Variants in PACS1 observed in about 807,000 individuals in gnomAD.
PACS1 encodes phosphofurin acidic cluster sorting protein 1.
PACS1 carries 24 observed loss-of-function variants against 115.0 expected under a neutral mutation model. The ratio of observed to expected loss-of-function variants is 0.21; its 90% CI spans 0.15 to 0.29. The LOEUF is 0.29. Among genes scored for constraint, PACS1 ranks in the 10% least tolerant of loss-of-function variants. The pLI is 1.00. For synonymous variants in PACS1, 453 were observed against 504.5 expected, an observed-to-expected ratio of 0.90 and a Z score of 1.37; for missense variants, 838 against 1,251.2, an observed-to-expected ratio of 0.67 and a Z score of 4.98.
chr11:66,232,228 C>A lies in PACS1; in HGVS notation c.1683C>A (p.Ala561=). 1.2e-6 allele frequency: 2 copies of A among 1,613,692 alleles called. No individual in the cohort carries two copies. The highest frequency in any genetic ancestry group is 1.7e-6 in the Non-Finnish European group (2 of 1,179,580). ...QLNQILVSDA[A]LPENVILVNT... is the part of the protein sequence containing the mutation. ...ATCAGATCCTGGTGTCAGATGCAGC[C>A]CTCCCAGAAAATGTCATTCTGGTGA... Residue 561 remains alanine, a synonymous_variant, in exon 14 of 24, where the codon GCC becomes GCA. Coordinates refer to ENST00000320580, the MANE Select transcript of PACS1 (RefSeq NM_018026.4).
At chr11:66,177,254 C>G (rs1476050132) in intron 1 of PACS1, among the ~76,000 whole-genome samples, 1 of 152,106 alleles carries the variant, frequency 6.6e-6, no homozygotes, top group Non-Finnish European at 1.5e-5. Context: ...CCTCCTCTCC[C>G]CAAATTGAAA....
chr11:66,076,256 C>G (rs1252266744), intron 1 of PACS1, among the ~76,000 whole-genome samples: 1 of 152,228 alleles, frequency 6.6e-6, no homozygotes, highest in Non-Finnish European at 1.5e-5. Context: ...TGATTTCTTT[C>G]TAAACTAGTT....
intron 19 of PACS1, among the ~76,000 whole-genome samples, chr11:66,237,783 C>T (rs965137525): frequency 2.0e-5 from 3 of 152,118 alleles, no homozygotes; most frequent in Non-Finnish European, 2.9e-5. Context: ...AAATGCCAGG[C>T]AAACAAGGAG....
At chr11:66,238,675 A>G in intron 19 of PACS1, 129 bp from the exon 20 acceptor site, 1 of 903,326 alleles carries the variant, frequency 1.1e-6, no homozygotes. Flanking sequence ...CCAGATTTGC[A>G]AAGATTTTAA....
chr11:66,156,204 TTATA>T (rs61270162), intron 1 of PACS1, among the ~76,000 whole-genome samples: 901 of 84,762 alleles, frequency 0.011, 10 homozygotes, highest in Non-Finnish European at 0.015. Context: ...ATTTTTTAAA[TTATA>T]TATATATATA....
chr11:66,132,098 T>C (rs962688094), intron 1 of PACS1, among the ~76,000 whole-genome samples: 3 of 152,128 alleles, frequency 2.0e-5, no homozygotes, highest in Non-Finnish European at 4.4e-5. Flanking sequence ...CACTCAAATC[T>C]CATCTTGAAT....
At chr11:66,153,524 G>A (rs1208897991) in intron 1 of PACS1, among the ~76,000 whole-genome samples, 1 of 152,128 alleles carries the variant, frequency 6.6e-6, no homozygotes. Context: ...GCTCACGCCT[G>A]TAATCCCAGC....
intron 1 of PACS1, among the ~76,000 whole-genome samples, chr11:66,104,376 A>G (rs1220608327): frequency 6.6e-6 from 1 of 152,142 alleles, no homozygotes; most frequent in East Asian, 1.9e-4. Flanking sequence ...TTTGAACCCT[A>G]TAGAACAGGG....
At chr11:66,144,906 A>T (rs1159591489) in intron 1 of PACS1, among the ~76,000 whole-genome samples, 4 of 152,212 alleles carry the variant, frequency 2.6e-5, no homozygotes, top group Non-Finnish European at 5.9e-5. Flanking sequence ...AAGTGCTGGG[A>T]TCACAGATGT....
intron 2 of PACS1, among the ~76,000 whole-genome samples, chr11:66,204,855 T>C (rs905388492): frequency 1.3e-5 from 2 of 152,104 alleles, no homozygotes; most frequent in African/African-American, 4.8e-5. Flanking sequence ...TAAGACCTGG[T>C]ATTTGGCCAA....
intron 1 of PACS1, among the ~76,000 whole-genome samples, chr11:66,150,368 T>G (rs1859208343): frequency 6.6e-6 from 1 of 152,248 alleles, no homozygotes; most frequent in Non-Finnish European, 1.5e-5. Context: ...GACTGGGTTT[T>G]GCTGACTTCT....
intron 1 of PACS1, among the ~76,000 whole-genome samples, chr11:66,117,087 A>G (rs1430650311): frequency 2.6e-5 from 4 of 151,972 alleles, no homozygotes; most frequent in Non-Finnish European, 5.9e-5. Flanking sequence ...TTTAAAAACG[A>G]TGTGTATTAT....
chr11:66,235,194 A>C lies in PACS1; in HGVS notation c.2105-107A>C, dbSNP rs568257030. 3 of 756,966 alleles carry C rather than the reference A, an allele frequency of 4.0e-6. No individual in the cohort carries two copies. Among genetic ancestry groups the C allele is most frequent in the South Asian group, 1.6e-5 (1 of 61,298 alleles). The allele number at this position is 756,966 out of a possible 1,614,324, so 46.9% of individuals were successfully genotyped here. ...ACCGTAGAGCCCCATCCTTCACTCAACTCCTAGAGTCTGACGGGTCTCAGG... is the reference window on the plus strand; with the variant it reads ...ACCGTAGAGCCCCATCCTTCACTCACCTCCTAGAGTCTGACGGGTCTCAGG... On this transcript the variant is annotated intron_variant, in intron 17 of 23. Transcript: ENST00000320580. This position sits in a 1 kb window ranked among gnomAD's most constrained non-coding sequence, Gnocchi z 5.6.
intron 1 of PACS1, among the ~76,000 whole-genome samples, chr11:66,136,276 C>T (rs2134585754): frequency 6.6e-6 from 1 of 150,638 alleles, no homozygotes; most frequent in Admixed American, 6.6e-5. Flanking sequence ...CACACACACA[C>T]ACACACACAC....
At chr11:66,207,443 G>C (rs1225733910) in intron 2 of PACS1, among the ~76,000 whole-genome samples, 1 of 152,224 alleles carries the variant, frequency 6.6e-6, no homozygotes, top group Non-Finnish European at 1.5e-5. Flanking sequence ...CTCCAGCCTA[G>C]TCGACAGAGC....
At chr11:66,225,878 G>A (rs935684612) in intron 10 of PACS1, among the ~76,000 whole-genome samples, 38 of 152,166 alleles carry the variant, frequency 2.5e-4, no homozygotes, top group African/African-American at 8.9e-4. Context: ...TTCTATTAAT[G>A]TTGGCCGAGG....
chr11:66,085,213 T>C (rs545583812), intron 1 of PACS1, among the ~76,000 whole-genome samples: 1 of 152,350 alleles, frequency 6.6e-6, no homozygotes, highest in East Asian at 1.9e-4. Context: ...TTTTTCTTTT[T>C]TGAAAGACTG....
At chr11:66,184,670 TACTC>T (rs1462096581) in intron 1 of PACS1, among the ~76,000 whole-genome samples, 1 of 152,248 alleles carries the variant, frequency 6.6e-6, no homozygotes. Context: ...TTAGCCCAGT[TACTC>T]AGTGATCTCC....
In PACS1 at chr11:66,070,868, C is replaced by A. The variant is rs902973737; in HGVS notation, c.356+26C>A. On this transcript the variant is annotated intron_variant, in intron 1 of 23. Transcript: ENST00000320580. This position sits in a 1 kb window ranked among gnomAD's most constrained non-coding sequence, Gnocchi z 5.9. ...GTGAGCGCGGGAGGGTGCGGCGGGG[C>A]GCCGGGGGAGCGGGGTGGCCGCCGG... is the stretch of plus-strand genomic sequence containing the variant. The A allele has an allele frequency of 7.0e-7, 1 of 1,425,548 alleles. No homozygotes were observed. The highest frequency in any genetic ancestry group is 3.1e-5 in the Admixed American group (1 of 31,976). The allele number at this position is 1,425,548 out of a possible 1,614,324, so 88.3% of individuals were successfully genotyped here.
Sources: allele counts gnomAD v4.1 joint callset (sites outside exome capture counted in the v4.1 genomes callset), GRCh38; gene constraint gnomAD v4.1.1; non-coding constraint Gnocchi (gnomAD v3.1); transcripts MANE v1.5; gene names NCBI Gene and HGNC (gene_info 2026-07-23, HGNC 2026-07-21).